Variants in DDX25 observed in about 807,000 individuals in gnomAD.
DDX25 encodes ATP-dependent RNA helicase DDX25.
Under a neutral mutation model 64.6 loss-of-function variants are expected in DDX25, and 70 were observed. The ratio of observed to expected loss-of-function variants is 1.08; its 90% CI spans 0.89 to 1.32. The LOEUF (loss-of-function observed/expected upper bound fraction) is 1.32, where lower values mean the gene tolerates loss of function less well. Among genes scored for constraint, DDX25 ranks in the 40% most tolerant of loss-of-function variants. The probability of loss-of-function intolerance (pLI) is 0.00; values close to 1 mark genes in which losing one functional copy is unlikely to be tolerated. For missense variants in DDX25, 587 were observed against 604.4 expected, an observed-to-expected ratio of 0.97 and a Z score of 0.30; for synonymous variants, 211 against 213.3, an observed-to-expected ratio of 0.99 and a Z score of 0.09.
intron 6 of DDX25, 115 bp downstream of exon 6, chr11:125,908,618 G>T (rs941692955): frequency 9.3e-7 from 1 of 1,078,796 alleles, no homozygotes; most frequent in Non-Finnish European, 1.4e-6. Flanking sequence ...ATTTAGAAAA[G>T]ACATGTTTTC....
chr11:125,905,185 T>C, intron 1 of DDX25, 27 bp from the exon 2 acceptor site: 1 of 1,550,338 alleles, frequency 6.5e-7, no homozygotes, highest in Middle Eastern at 1.7e-4. Context: ...CATCCTAATA[T>C]TGGTTGAAAT....
At chr11:125,918,562 A>C in intron 9 of DDX25, 66 bp from the exon 10 acceptor site, 3 of 1,547,410 alleles carry the variant, frequency 1.9e-6, no homozygotes, top group African/African-American at 1.4e-5. Flanking sequence ...GCATGGTGTC[A>C]CAAGCACAGC....
chr11:125,917,441 G>A (rs752835848), intron 9 of DDX25, among the ~76,000 whole-genome samples, 190 bp downstream of exon 9: 13 of 152,180 alleles, frequency 8.5e-5, no homozygotes, highest in Non-Finnish European at 1.5e-4. Flanking sequence ...GTTAAGTAAT[G>A]GAATAGGATC....
intron 10 of DDX25, among the ~76,000 whole-genome samples, chr11:125,920,670 TAGG>T (rs1945098041): frequency 6.6e-6 from 1 of 151,966 alleles, no homozygotes; most frequent in African/African-American, 2.4e-5. Flanking sequence ...GTGACCATCG[TAGG>T]AGAGATGAGA....
intron 10 of DDX25, among the ~76,000 whole-genome samples, chr11:125,919,758 A>AG (rs980434023): frequency 7.2e-5 from 11 of 152,086 alleles, no homozygotes; most frequent in African/African-American, 2.2e-4. Context: ...CTATCCCTTA[A>AG]GAGCTCACAG....
At chr11:125,906,234 T>C in intron 4 of DDX25, 25 bp downstream of exon 4, 3 of 1,520,336 alleles carry the variant, frequency 2.0e-6, no homozygotes, top group Non-Finnish European at 2.6e-6. Flanking sequence ...TCTTTTAATA[T>C]GGGAAAAATG....
chr11:125,907,431 ACC>A (rs1212516106), intron 4 of DDX25, among the ~76,000 whole-genome samples: 2 of 152,066 alleles, frequency 1.3e-5, no homozygotes, highest in Non-Finnish European at 2.9e-5. Context: ...ACACAGTGAA[ACC>A]CCGTCTCTAC....
upstream of DDX25, among the ~76,000 whole-genome samples, chr11:125,903,588 TCAAAA>T (rs1944830664): frequency 6.6e-6 from 1 of 151,184 alleles, no homozygotes; most frequent in Non-Finnish European, 1.5e-5. Context: ...TATGATAATC[TCAAAA>T]CAAACGACTA....
chr11:125,921,058 T>G lies in DDX25; in HGVS notation c.1202-133T>G. The G allele has an allele frequency of 1.1e-6, 1 of 879,328 alleles. No individual in the cohort carries two copies. Among genetic ancestry groups the G allele is most frequent in the South Asian group, 1.9e-5 (1 of 52,986 alleles). The allele number at this position is 879,328 out of a possible 1,614,324, so 54.5% of individuals were successfully genotyped here. A position where few individuals can be genotyped will look rare whatever the true frequency, so the allele number is the denominator to read the frequency against. ...AAACTTCCTAACCAAAGTACCTGTC[T>G]CAATTACATAAGCCCTGGTTGGATT... On this transcript the variant is annotated intron_variant, in intron 10 of 11. Coordinates refer to ENST00000263576, the MANE Select transcript of DDX25 (RefSeq NM_013264.5). The surrounding 1 kb of genome is among the most constrained non-coding windows in gnomAD (Gnocchi z 4.1).
chr11:125,909,775 A>G (rs607723), intron 6 of DDX25, among the ~76,000 whole-genome samples: 37,018 of 150,968 alleles, frequency 0.25, 4,644 homozygotes, highest in East Asian at 0.33. Context: ...TCAGCCTCCC[A>G]AGTAGCTGGG....
chr11:125,919,193 T>C (rs2134283642), intron 10 of DDX25, among the ~76,000 whole-genome samples: 1 of 152,344 alleles, frequency 6.6e-6, no homozygotes, highest in Non-Finnish European at 1.5e-5. Context: ...GTCCACCAGT[T>C]GATGGACATT....
upstream of DDX25, among the ~76,000 whole-genome samples, chr11:125,904,062 G>C (rs1554526): frequency 0.81 from 123,315 of 152,212 alleles, 50,714 homozygotes; most frequent in Admixed American, 0.89. Context: ...TCTCCACTTT[G>C]CTAACCAATT....
chr11:125,908,148 C>A, intron 4 of DDX25, 48 bp from the exon 5 acceptor site: 2 of 1,467,274 alleles, frequency 1.4e-6, no homozygotes, highest in Non-Finnish European at 1.9e-6. Context: ...ATTTCTGATG[C>A]TACTGACCAA....
At chr11:125,910,301 G>A in intron 6 of DDX25, 63 bp from the exon 7 acceptor site, 1 of 1,402,084 alleles carries the variant, frequency 7.1e-7, no homozygotes, top group Non-Finnish European at 1.0e-6. Context: ...TTTTATTGCA[G>A]TTGAAATTTG....
chr11:125,904,473 C>A (rs554922129), upstream of DDX25: 10 of 1,451,104 alleles, frequency 6.9e-6, no homozygotes, highest in South Asian at 1.1e-4. Context: ...CGCCTCGCGC[C>A]GGTGGTGGAA....
chr11:125,922,650 T>C, intron 11 of DDX25, 170 bp from the exon 12 acceptor site: 1 of 533,306 alleles, frequency 1.9e-6, no homozygotes, highest in East Asian at 3.0e-5. Context: ...TCTGGTGCAT[T>C]TGATGCTGTT....
At chr11:125,922,707 TC>T (rs1945129797) in intron 11 of DDX25, 112 bp from the exon 12 acceptor site, 1 of 946,230 alleles carries the variant, frequency 1.1e-6, no homozygotes. Flanking sequence ...TTCCTTATGT[TC>T]CTATACCAAG....
chr11:125,917,587 C>A (rs1414806563), intron 9 of DDX25, among the ~76,000 whole-genome samples: 1 of 152,068 alleles, frequency 6.6e-6, no homozygotes, highest in African/African-American at 2.4e-5. Context: ...TTAACAAAAC[C>A]CCGTTTTTAT....
chr11:125,918,708 C>T lies in DDX25; in HGVS notation c.1119C>T (p.Thr373=), dbSNP rs147936247. The T allele has an allele frequency of 1.6e-5, 26 of 1,613,690 alleles. No individual in the cohort carries two copies. The highest frequency in any genetic ancestry group is 1.9e-5 in the Non-Finnish European group (22 of 1,179,804). ...TGTCTTTGTTAAGCGGGGAGCTGAC[C>T]GTGGAGCAGCGAGCTTCCATCATTC... ...HQVSLLSGEL[T]VEQRASIIQR... is the part of the protein sequence containing the mutation. Residue 373 remains threonine, a synonymous_variant, in exon 10 of 12, where the codon ACC becomes ACT. Coordinates refer to ENST00000263576, the MANE Select transcript of DDX25 (RefSeq NM_013264.5).
Sources: gnomAD v4.1 joint callset for allele counts (sites outside exome capture counted in the v4.1 genomes callset) on GRCh38, gnomAD v4.1.1 for gene constraint, Gnocchi (gnomAD v3.1) non-coding constraint, MANE v1.5 for transcripts, NCBI Gene and HGNC (gene_info 2026-07-23, HGNC 2026-07-21) for gene names.